RPS6KA2: variants seen among roughly 807,000 people sequenced by gnomAD.
The protein encoded by RPS6KA2 is ribosomal protein S6 kinase alpha-2.
A neutral mutation model predicts 91.8 loss-of-function variants in RPS6KA2; 42 were observed. The observed-to-expected ratio is 0.46, with a 90% CI of 0.36 to 0.59. The LOEUF (loss-of-function observed/expected upper bound fraction) is 0.59, where lower values mean the gene tolerates loss of function less well. RPS6KA2 is among the 20% of genes least tolerant of loss of function. The pLI is 0.00. For missense variants in RPS6KA2, 798 were observed against 978.5 expected (o/e 0.82, Z 2.46); for synonymous variants, 414 against 393.6 (o/e 1.05, Z -0.61).
chr6:166,519,828 T>C (rs1214611793), intron 3 of RPS6KA2, among the ~76,000 whole-genome samples: 4 of 152,206 alleles, frequency 2.6e-5, no homozygotes, highest in Admixed American at 6.5e-5. Context: ...TCTCCACCAA[T>C]AGACATTATA....
At chr6:166,860,434 CT>C (rs1389430781) in intron 1 of RPS6KA2, among the ~76,000 whole-genome samples, 1 of 152,206 alleles carries the variant, frequency 6.6e-6, no homozygotes, top group Non-Finnish European at 1.5e-5. Flanking sequence ...CTTGCAAGTG[CT>C]TTCTAGGCTC....
At chr6:166,848,731 A>G (rs969759824) in intron 2 of RPS6KA2, among the ~76,000 whole-genome samples, 1 of 151,974 alleles carries the variant, frequency 6.6e-6, no homozygotes, top group Non-Finnish European at 1.5e-5. Flanking sequence ...GAAGGATTCA[A>G]CGGACTTTGG....
At chr6:166,541,756 G>A (rs557662586) in intron 1 of RPS6KA2, among the ~76,000 whole-genome samples, 4 of 152,172 alleles carry the variant, frequency 2.6e-5, no homozygotes, top group South Asian at 2.1e-4. Context: ...CAAAGCCTTC[G>A]ACGCAGATAT....
At chr6:166,436,418 C>G (rs996120571) in intron 14 of RPS6KA2, among the ~76,000 whole-genome samples, 14 of 152,130 alleles carry the variant, frequency 9.2e-5, no homozygotes, top group South Asian at 2.1e-4. Flanking sequence ...TGGAGGGTCA[C>G]TGGCCGGCCA....
chr6:166,749,745 C>T (rs1201487238), intron 2 of RPS6KA2, among the ~76,000 whole-genome samples: 2 of 123,988 alleles, frequency 1.6e-5, no homozygotes, highest in Non-Finnish European at 3.3e-5. Context: ...GGCCCCTCTT[C>T]CTCAGGCCCC....
chr6:166,679,929 G>C (rs983917238), intron 2 of RPS6KA2, among the ~76,000 whole-genome samples: 2 of 152,220 alleles, frequency 1.3e-5, no homozygotes, highest in African/African-American at 4.8e-5. Context: ...ACTAGGTGCC[G>C]CAAAGTCCCT....
At chr6:166,800,958 A>C (rs1413286467) in intron 2 of RPS6KA2, among the ~76,000 whole-genome samples, 6 of 152,232 alleles carry the variant, frequency 3.9e-5, no homozygotes, top group African/African-American at 1.4e-4. Flanking sequence ...TAAAACTTCT[A>C]CTCTACAATA....
At chr6:166,792,255 A>G (rs561078129) in intron 2 of RPS6KA2, among the ~76,000 whole-genome samples, 1 of 152,372 alleles carries the variant, frequency 6.6e-6, no homozygotes, top group African/African-American at 2.4e-5. Context: ...AAAATCTAGA[A>G]GAAATGGATA....
rs766863882 is a variant in RPS6KA2, at chr6:166,531,361, C to T, written c.217-48G>A. On this transcript the variant is annotated intron_variant, in intron 2 of 20. Coordinates refer to ENST00000265678, the MANE Select transcript of RPS6KA2 (RefSeq NM_021135.6). ...TCAGAAACCCGTAAGACTTCAAACT[C>T]GCTTTCCATATTGGATTTGACAAGG... The T allele has an allele frequency of 3.5e-5, 49 of 1,401,754 alleles. No homozygotes were observed. The African/African-American group carries it at 4.1e-4, about 12-fold the overall frequency. 86.8% of individuals were successfully genotyped at this position (1,401,754 alleles called of 1,614,324 possible).
intron 2 of RPS6KA2, chr6:166,771,043 C>G: frequency 1.5e-6 from 1 of 685,148 alleles, no homozygotes; most frequent in Admixed American, 3.0e-5. Flanking sequence ...AAACATTAAT[C>G]TCCACATAAT....
At chr6:166,701,277 T>C (rs1789510861) in intron 2 of RPS6KA2, 1 of 1,612,266 alleles carries the variant, frequency 6.2e-7, no homozygotes, top group Non-Finnish European at 8.5e-7. Context: ...CAACAACTTC[T>C]GCACTTGACA....
intron 10 of RPS6KA2, among the ~76,000 whole-genome samples, chr6:166,487,776 T>C (rs1372425010): frequency 6.6e-6 from 1 of 152,256 alleles, no homozygotes; most frequent in Admixed American, 6.5e-5. Context: ...TCAATGTTGA[T>C]TTTTAAAAAT....
At position 166,532,844 on chromosome 6, in the gene RPS6KA2, A is replaced by T. The variant is rs546601909; in HGVS notation, c.217-1531T>A. Among the ~76,000 whole-genome samples, 120 of 149,576 alleles carry T rather than the reference A, an allele frequency of 8.0e-4. 1 individual carries two copies. Among genetic ancestry groups the T allele is most frequent in the Middle Eastern group, 3.5e-3 (1 of 288 alleles). On this transcript the variant is annotated intron_variant, in intron 2 of 20. Transcript: ENST00000265678. ...TGGAGTGTGAGAGAGAGAGAGAGAGAGTGTGTGTGTGTGTGTGTGTGTCCC... is the reference window on the plus strand; with the variant it reads ...TGGAGTGTGAGAGAGAGAGAGAGAGTGTGTGTGTGTGTGTGTGTGTGTCCC...
intron 2 of RPS6KA2, among the ~76,000 whole-genome samples, chr6:166,739,596 A>G (rs1224181089): frequency 6.6e-6 from 1 of 152,238 alleles, no homozygotes; most frequent in Non-Finnish European, 1.5e-5. Flanking sequence ...TACGGAAAAG[A>G]CAGGAAAAGA....
Position 166,494,630 on chromosome 6 carries a change from A to G in RPS6KA2, c.747+3878T>C, listed in dbSNP as rs573144392. On this transcript the variant is annotated intron_variant, in intron 8 of 20. Transcript: ENST00000265678. This position sits in a 1 kb window ranked among gnomAD's most constrained non-coding sequence, Gnocchi z 5.1. ...TACAAATGTCACCACGCAGCCGGCC[A>G]CCAGGTTTGCACGTTCTTCTCCAGG... is the stretch of plus-strand genomic sequence containing the variant. Among the ~76,000 whole-genome samples the G allele has an allele frequency of 6.1e-4, 93 of 152,334 alleles. 2 individuals carry two copies. In the Middle Eastern group the frequency reaches 0.01, roughly 17 times the overall value.
intron 2 of RPS6KA2, among the ~76,000 whole-genome samples, chr6:166,690,022 C>T (rs918341964): frequency 8.5e-5 from 13 of 152,192 alleles, no homozygotes; most frequent in Non-Finnish European, 1.3e-4. Context: ...TGCACGGTCC[C>T]GCAATCCCAC....
intron 1 of RPS6KA2, among the ~76,000 whole-genome samples, chr6:166,566,779 T>C (rs1335402903): frequency 6.6e-6 from 1 of 152,174 alleles, no homozygotes; most frequent in Non-Finnish European, 1.5e-5. Context: ...AGCCAGTCCC[T>C]GACAGCCCCA....
chr6:166,468,456 T>C (rs1345699136), intron 11 of RPS6KA2, among the ~76,000 whole-genome samples: 1 of 152,246 alleles, frequency 6.6e-6, no homozygotes, highest in Admixed American at 6.5e-5. Flanking sequence ...AGAGGAGAGC[T>C]GGCTGGTTTT....
At chr6:166,501,069 G>A (rs539609939) in intron 6 of RPS6KA2, 145 bp from the exon 7 acceptor site, 151 of 673,292 alleles carry the variant, frequency 2.2e-4, no homozygotes, top group African/African-American at 2.1e-3. Flanking sequence ...AGATCCCCAC[G>A]GCTTGTGCGG....
Sources: allele counts gnomAD v4.1 joint callset (sites outside exome capture counted in the v4.1 genomes callset), GRCh38; gene constraint gnomAD v4.1.1; non-coding constraint Gnocchi (gnomAD v3.1); transcripts MANE v1.5; gene names NCBI Gene and HGNC (gene_info 2026-07-23, HGNC 2026-07-21).